RUFY1: variants seen among roughly 807,000 people sequenced by gnomAD.
RUFY1 encodes RUN and FYVE domain containing 1.
Under a neutral mutation model 94.6 loss-of-function variants are expected in RUFY1, and 54 were observed. The observed-to-expected ratio is 0.57, with a 90% CI of 0.46 to 0.72. The LOEUF (loss-of-function observed/expected upper bound fraction) is 0.72, where lower values mean the gene tolerates loss of function less well. RUFY1 is among the 30% of genes least tolerant of loss of function. RUFY1 has a pLI of 0.00. For synonymous variants in RUFY1, 396 were observed against 347.3 expected (o/e 1.14, Z -1.56); for missense variants, 883 against 883.9 (o/e 1.00, Z 0.01).
At chr5:179,557,724 T>C (rs1418158088) in intron 1 of RUFY1, among the ~76,000 whole-genome samples, 37 of 152,042 alleles carry the variant, frequency 2.4e-4, no homozygotes, top group Non-Finnish European at 5.4e-4. Context: ...CATAATTACA[T>C]AGATTTGTAG....
intron 5 of RUFY1, among the ~76,000 whole-genome samples, chr5:179,573,906 C>T (rs963424416): frequency 6.6e-6 from 1 of 152,144 alleles, no homozygotes. Context: ...TGCTTTTAAC[C>T]CATAAATATA....
At chr5:179,576,167 A>C (rs1310224885) in intron 5 of RUFY1, among the ~76,000 whole-genome samples, 1 of 152,142 alleles carries the variant, frequency 6.6e-6, no homozygotes, top group East Asian at 1.9e-4. Flanking sequence ...ATTGATTTCA[A>C]CTTTTCTCTA....
chr5:179,571,504 GAA>G (rs10710528), intron 5 of RUFY1, among the ~76,000 whole-genome samples: 38 of 134,452 alleles, frequency 2.8e-4, no homozygotes, highest in Non-Finnish European at 2.7e-4. Flanking sequence ...ACTCTGTCTG[GAA>G]AAAAAAAAAA....
intron 1 of RUFY1, chr5:179,559,760 C>T: frequency 8.5e-7 from 1 of 1,172,090 alleles, no homozygotes; most frequent in Non-Finnish European, 1.1e-6. Flanking sequence ...GCCGTAGCAA[C>T]GCGCGGAGCC....
At chr5:179,608,699 G>GGA (rs1767369709) in intron 17 of RUFY1, 1 of 896,130 alleles carries the variant, frequency 1.1e-6, no homozygotes, top group Non-Finnish European at 1.3e-6. Flanking sequence ...AGGCTGAGGT[G>GGA]GGTGGATCAC....
rs746299791 is a variant in RUFY1, at chr5:179,585,825, T to C, written c.986T>C (p.Ile329Thr). 3 of 1,613,886 alleles carry C rather than the reference T, an allele frequency of 1.9e-6. No individual in the cohort carries two copies. Among genetic ancestry groups the C allele is most frequent in the Admixed American group, 1.7e-5 (1 of 60,024 alleles). ...ACAGTTGGGGATCTTCAAACCAAGA[T>C]AGATGGCTTGGAAAAGACTAACTCA... The part of the protein sequence containing the change: ...SCTVGDLQTK[I>T]DGLEKTNSKL... The change falls in exon 8 of 18, where the codon ATA becomes ACA. Residue 329 changes from isoleucine to threonine, a missense_variant. Coordinates refer to ENST00000319449, the MANE Select transcript of RUFY1 (RefSeq NM_025158.5).
At position 179,550,842 on chromosome 5, in the gene RUFY1, G is replaced by C. The variant is rs1165451962; in HGVS notation, c.273G>C (p.Leu91=). Residue 91 remains leucine (L), a synonymous_variant, in exon 1 of 18, where the codon CTG becomes CTC. Transcript: ENST00000319449. ...GCGCGCTGCGCGCGGCCGCGGGGCT[G>C]GGCGGCGGGGACAGCGGGGACGGCA... ...CGSALRAAAG[L]GGGDSGDGTA... is the part of the protein sequence containing the mutation. The C allele has an allele frequency of 1.6e-5, 19 of 1,224,674 alleles. No homozygotes were observed. The highest frequency in any genetic ancestry group is 1.8e-5 in the Non-Finnish European group (18 of 987,066). The allele number at this position is 1,224,674 out of a possible 1,614,324, so 75.9% of individuals were successfully genotyped here. A position where few individuals can be genotyped will look rare whatever the true frequency, so the allele number is the denominator to read the frequency against.
intron 8 of RUFY1, 117 bp from the exon 9 acceptor site, chr5:179,589,424 GAAATA>G (rs1940453871): frequency 1.5e-6 from 1 of 661,672 alleles, no homozygotes; most frequent in Non-Finnish European, 2.7e-6. Context: ...TGAAAACAAG[GAAATA>G]AAATATCAAA....
chr5:179,609,277 A>G (rs1371639984), intron 17 of RUFY1, 99 bp from the exon 18 acceptor site: 30 of 1,294,092 alleles, frequency 2.3e-5, no homozygotes, highest in Non-Finnish European at 3.1e-5. Flanking sequence ...ATAAGAACCC[A>G]TTCCCAGCAA....
At chr5:179,574,505 A>G (rs939283509) in intron 5 of RUFY1, among the ~76,000 whole-genome samples, 1 of 152,144 alleles carries the variant, frequency 6.6e-6, no homozygotes, top group Non-Finnish European at 1.5e-5. Flanking sequence ...GCTTGCTAGA[A>G]CTTACTGGTA....
Position 179,569,425 on chromosome 5 carries a change from G to A in RUFY1, c.828G>A (p.Gln276=). The A allele has an allele frequency of 6.2e-7, 1 of 1,613,616 alleles. No individual in the cohort carries two copies. The highest frequency in any genetic ancestry group is 8.5e-7 in the Non-Finnish European group (1 of 1,179,926). Residue 276 remains glutamine, a splice_region_variant and synonymous_variant, in exon 5 of 18, where the codon CAG becomes CAA. Transcript: ENST00000319449. The part of the protein sequence containing the change: ...LCLKGEDLDS[Q]VGVIDFSLYL... ...TGAAAGGAGAAGACTTGGATTCTCA[G>A]GTAAAATGAAATTTTGGCTCTAGAT... is the stretch of plus-strand genomic sequence containing the variant.
chr5:179,599,343 T>TG (rs1242797316), intron 14 of RUFY1: 1 of 152,588 alleles, frequency 6.6e-6, no homozygotes, highest in Non-Finnish European at 1.5e-5. Flanking sequence ...GGAGAGTGGG[T>TG]GGTAGGCTCG....
chr5:179,590,677 C>T (rs1039231491), intron 9 of RUFY1, among the ~76,000 whole-genome samples: 13 of 151,906 alleles, frequency 8.6e-5, no homozygotes, highest in Non-Finnish European at 1.6e-4. Flanking sequence ...TTAGTAGAGA[C>T]GGGGTTTCAC....
Position 179,550,691 on chromosome 5 carries a change from G to A in RUFY1, c.122G>A (p.Arg41Gln). The A allele has an allele frequency of 6.7e-7, 1 of 1,496,654 alleles. No individual in the cohort carries two copies. Among genetic ancestry groups the A allele is most frequent in the Non-Finnish European group, 8.9e-7 (1 of 1,128,952 alleles). 92.7% of individuals were successfully genotyped at this position (1,496,654 alleles called of 1,614,324 possible). ...EPGEEFEIVD[R>Q]SQLPGPGDLR... is the part of the protein sequence containing the mutation. ...GGAGAAGAGTTTGAGATCGTGGACC[G>A]AAGCCAGCTGCCCGGCCCAGGCGAC... The change falls in exon 1 of 18, where the codon CGA becomes CAA. Residue 41 changes from arginine (R) to glutamine (Q), a missense_variant. Transcript: ENST00000319449.
Position 179,567,496 on chromosome 5 carries a change from T to G in RUFY1, c.638T>G (p.Leu213Arg). The G allele has an allele frequency of 6.2e-7, 1 of 1,614,150 alleles. No individual in the cohort carries two copies. Residue 213 changes from leucine to arginine, a missense_variant, in exon 4 of 18, where the codon CTT (leucine) becomes CGT (arginine). Transcript: ENST00000319449. The part of the protein sequence containing the change: ...AVGRGRAWLY[L>R]ALMQKKLADY... ...GGAAGAGGCCGAGCGTGGCTTTATC[T>G]TGCACTCATGCAAAAGAAACTGGCA...
intron 2 of RUFY1, among the ~76,000 whole-genome samples, chr5:179,561,986 G>A (rs1254206895): frequency 2.6e-5 from 4 of 151,274 alleles, no homozygotes; most frequent in East Asian, 4.0e-4. Flanking sequence ...GCCCGGCTGA[G>A]GCGCCTGTTT....
intron 15 of RUFY1, among the ~76,000 whole-genome samples, chr5:179,604,306 G>A (rs1048569559): frequency 1.6e-4 from 25 of 152,152 alleles, no homozygotes; most frequent in Non-Finnish European, 2.5e-4. Context: ...AAGCCTCTTC[G>A]CAGGCCCTAC....
At chr5:179,603,264 TCA>T (rs1491543192) in intron 15 of RUFY1, among the ~76,000 whole-genome samples, 1 of 41,902 alleles carries the variant, frequency 2.4e-5, no homozygotes, top group Non-Finnish European at 5.7e-5. Context: ...AGAATCCATC[TCA>T]AAAAAAAAAA....
chr5:179,598,769 A>G lies in RUFY1; in HGVS notation c.1709A>G (p.Asp570Gly). The G allele has an allele frequency of 6.2e-7, 1 of 1,614,164 alleles. No individual in the cohort carries two copies. The highest frequency in any genetic ancestry group is 8.5e-7 in the Non-Finnish European group (1 of 1,180,002). The change falls in exon 14 of 18, where the codon GAC becomes GGC. Residue 570 changes from aspartate to glycine, a missense_variant. By Grantham distance (94) the Asp-to-Gly change is moderately conservative (BLOSUM62 -1). Transcript: ENST00000319449. Reference sequence around the variant, plus strand: ...CAGCGCGAATTACAGCACGAGAAAGACACTTCCTCTCTACTCAGGATGGAG... The same window carrying G: ...CAGCGCGAATTACAGCACGAGAAAGGCACTTCCTCTCTACTCAGGATGGAG... ...ALQRELQHEK[D>G]TSSLLRMELQ... is the part of the protein sequence containing the mutation.
Sources: allele counts gnomAD v4.1 joint callset (sites outside exome capture counted in the v4.1 genomes callset), GRCh38; gene constraint gnomAD v4.1.1; transcripts MANE v1.5; gene names NCBI Gene and HGNC (gene_info 2026-07-23, HGNC 2026-07-21).